The following LARP1B variants were observed in gnomAD, a reference collection of about 807,000 sequenced individuals.
LARP1B encodes the protein La ribonucleoprotein 1B.
In LARP1B, 76 loss-of-function variants were observed where a neutral mutation model predicts 114.2. That is an observed-to-expected ratio of 0.67 (90% confidence interval 0.55 to 0.81). The LOEUF (loss-of-function observed/expected upper bound fraction) is 0.81, where lower values mean the gene tolerates loss of function less well. LARP1B is among the 30% of genes least tolerant of loss of function. The pLI, the probability that LARP1B is intolerant of heterozygous loss-of-function variation, is 0.00. For missense variants in LARP1B, 1,014 were observed against 1,075.8 expected, an observed-to-expected ratio of 0.94 and a Z score of 0.80; for synonymous variants, 345 against 348.0, an observed-to-expected ratio of 0.99 and a Z score of 0.10.
At chr4:128,179,649 C>A (rs1747652181) in intron 15 of LARP1B, 137 bp downstream of exon 15, 2 of 500,030 alleles carry the variant, frequency 4.0e-6, no homozygotes, top group Non-Finnish European at 7.0e-6. Flanking sequence ...TACAAAGAAG[C>A]CAAAGAAGAG....
chr4:128,137,426 G>A (rs1344911813), intron 11 of LARP1B, among the ~76,000 whole-genome samples: 2 of 152,140 alleles, frequency 1.3e-5, no homozygotes, highest in Non-Finnish European at 2.9e-5. Flanking sequence ...GTGGCAGAGG[G>A]GAAGAACAAG....
At chr4:128,071,937 T>G (rs1479399346) in intron 1 of LARP1B, among the ~76,000 whole-genome samples, 6 of 152,140 alleles carry the variant, frequency 3.9e-5, no homozygotes, top group Non-Finnish European at 8.8e-5. Context: ...TCTTTAACTA[T>G]TTACAGTTAT....
chr4:128,178,355 T>C, intron 13 of LARP1B, 76 bp from the exon 14 acceptor site: 1 of 1,051,786 alleles, frequency 9.5e-7, no homozygotes, highest in Non-Finnish European at 1.4e-6. Flanking sequence ...CTTAGAGAAT[T>C]ACAAAATTAT....
At chr4:128,173,931 C>A (rs1402153565) in intron 12 of LARP1B, among the ~76,000 whole-genome samples, 1 of 152,136 alleles carries the variant, frequency 6.6e-6, no homozygotes, top group Non-Finnish European at 1.5e-5. Context: ...GCCAACATTC[C>A]CCTTCAGCCT....
chr4:128,164,811 A>G (rs962992615), intron 12 of LARP1B, among the ~76,000 whole-genome samples: 2 of 152,188 alleles, frequency 1.3e-5, no homozygotes, highest in African/African-American at 4.8e-5. Context: ...CATTTGTAGT[A>G]TCATTGTTCA....
intron 12 of LARP1B, 35 bp from the exon 13 acceptor site, chr4:128,176,837 C>T (rs1746404328): frequency 6.2e-7 from 1 of 1,600,598 alleles, no homozygotes; most frequent in Non-Finnish European, 8.6e-7. Flanking sequence ...AATGCAGACA[C>T]AGCACAAAAA....
chr4:128,149,825 G>C (rs1043854788), intron 11 of LARP1B, among the ~76,000 whole-genome samples: 1 of 152,158 alleles, frequency 6.6e-6, no homozygotes, highest in Admixed American at 6.6e-5. Context: ...GAACAATTGA[G>C]ACAGGAAGTC....
At chr4:128,063,427 C>CAAAAAAAAA (rs763868048) in intron 1 of LARP1B, among the ~76,000 whole-genome samples, 1 of 13,216 alleles carries the variant, frequency 7.6e-5, no homozygotes, top group Non-Finnish European at 1.7e-4. Context: ...GACCCACTCT[C>CAAAAAAAAA]AAAAAAAAAA....
rs150271948 is a variant in LARP1B, at chr4:128,108,151, T to C, written c.988+838T>C. 58 of 1,285,566 alleles carry C rather than the reference T, an allele frequency of 4.5e-5. No homozygotes were observed. The East Asian group carries it at 1.6e-3, about 36-fold the overall frequency. The allele number at this position is 1,285,566 out of a possible 1,614,324, so 79.6% of individuals were successfully genotyped here. Reference sequence around the variant, plus strand: ...TTTTTATAGGAGCTGCCTATTTCTGTGTAATTGGCCTGGGCTGCATGGGCT... The same window carrying C: ...TTTTTATAGGAGCTGCCTATTTCTGCGTAATTGGCCTGGGCTGCATGGGCT... On this transcript the variant is annotated intron_variant, in intron 9 of 19. Transcript: ENST00000326639.
At chr4:128,112,067 C>A (rs1784305779) in intron 9 of LARP1B, among the ~76,000 whole-genome samples, 1 of 151,890 alleles carries the variant, frequency 6.6e-6, no homozygotes, top group African/African-American at 2.4e-5. Flanking sequence ...AATATTTTTC[C>A]CATTCCTATA....
intron 8 of LARP1B, among the ~76,000 whole-genome samples, chr4:128,103,334 C>G (rs1248514389): frequency 2.0e-5 from 3 of 151,578 alleles, no homozygotes; most frequent in African/African-American, 7.3e-5. Flanking sequence ...ACACAAAATT[C>G]AAAACTCAAA....
intron 11 of LARP1B, among the ~76,000 whole-genome samples, chr4:128,136,304 AAC>A (rs1467059541): frequency 6.6e-6 from 1 of 151,888 alleles, no homozygotes; most frequent in African/African-American, 2.4e-5. Context: ...AAAAACAAAT[AAC>A]AGTCTCAAGA....
intron 11 of LARP1B, among the ~76,000 whole-genome samples, chr4:128,139,513 C>T (rs981413079): frequency 4.6e-5 from 7 of 151,892 alleles, no homozygotes; most frequent in Admixed American, 6.6e-5. Context: ...TATAGTGAGG[C>T]CCATCTCTTA....
intron 7 of LARP1B, among the ~76,000 whole-genome samples, chr4:128,095,638 T>G (rs1777642878): frequency 6.6e-6 from 1 of 152,220 alleles, no homozygotes; most frequent in African/African-American, 2.4e-5. Context: ...ATTTACATTC[T>G]TAAAATAAGT....
intron 11 of LARP1B, among the ~76,000 whole-genome samples, chr4:128,139,687 C>T (rs1482867182): frequency 1.3e-5 from 2 of 151,910 alleles, no homozygotes; most frequent in Non-Finnish European, 2.9e-5. Context: ...ATTCAGTATA[C>T]TGCTTATAAG....
intron 12 of LARP1B, among the ~76,000 whole-genome samples, 185 bp from the exon 13 acceptor site, chr4:128,176,687 A>G (rs963843450): frequency 1.2e-4 from 19 of 152,162 alleles, no homozygotes; most frequent in Admixed American, 5.9e-4. Context: ...TTTCCCAAAC[A>G]TTATGTATGG....
rs1224658070 is a variant in LARP1B at position 128,065,334 on chromosome 4, TC to T, written c.-78+3935del. ...CTTTCTTTCTCTCTCTCTCTCTCTT[TC>T]CTTTCTTTTCTTTTCTTTTCTTTTC... On this transcript the variant is annotated intron_variant, in intron 1 of 19. Transcript: ENST00000326639. Among the ~76,000 whole-genome samples, 146 of 131,064 alleles carry T rather than the reference TC, an allele frequency of 1.1e-3. 1 individual carries two copies. Among genetic ancestry groups the T allele is most frequent in the African/African-American group, 3.7e-3 (115 of 30,862 alleles). The allele number at this position is 131,064 out of a possible 152,430, so 86.0% of individuals were successfully genotyped here. A position where few individuals can be genotyped will look rare whatever the true frequency, so the allele number is the denominator to read the frequency against.
upstream of LARP1B, chr4:128,061,302 C>T (rs1003851014): frequency 6.6e-6 from 1 of 152,420 alleles, no homozygotes; most frequent in African/African-American, 2.4e-5. Flanking sequence ...GTCTCCACGC[C>T]TCCGCGGGCA....
At chr4:128,141,366 G>A (rs1728016511) in intron 11 of LARP1B, among the ~76,000 whole-genome samples, 1 of 152,066 alleles carries the variant, frequency 6.6e-6, no homozygotes, top group Non-Finnish European at 1.5e-5. Flanking sequence ...TGTTTAATTT[G>A]TATCTACAGA....
Sources: gnomAD v4.1 joint callset for allele counts (sites outside exome capture counted in the v4.1 genomes callset) on GRCh38, gnomAD v4.1.1 for gene constraint, MANE v1.5 for transcripts, NCBI Gene and HGNC (gene_info 2026-07-23, HGNC 2026-07-21) for gene names.